AUTS2: variants seen among roughly 807,000 people sequenced by gnomAD.
AUTS2 encodes activator of transcription and developmental regulator AUTS2, also known as autism susceptibility gene 2 protein.
AUTS2 carries 17 observed loss-of-function variants against 112.4 expected under a neutral mutation model. That is an observed-to-expected ratio of 0.15 (90% confidence interval 0.10 to 0.23). The LOEUF (loss-of-function observed/expected upper bound fraction) is 0.23, where lower values mean the gene tolerates loss of function less well. Ranked by LOEUF, AUTS2 falls within the 10% of genes least tolerant of loss-of-function variation. The pLI, the probability that AUTS2 is intolerant of heterozygous loss-of-function variation, is 1.00. For synonymous variants in AUTS2, 751 were observed against 702.7 expected (o/e 1.07, Z -1.09); for missense variants, 1,510 against 1,701.6 (o/e 0.89, Z 1.98).
intron 4 of AUTS2, among the ~76,000 whole-genome samples, chr7:70,370,534 A>G (rs866588769): frequency 8.5e-5 from 13 of 152,312 alleles, no homozygotes; most frequent in South Asian, 6.2e-4. Flanking sequence ...ACATTGCCTC[A>G]TAATATTACA....
At chr7:70,070,297 T>C (rs1192260652) in intron 2 of AUTS2, among the ~76,000 whole-genome samples, 1 of 151,802 alleles carries the variant, frequency 6.6e-6, no homozygotes, top group Non-Finnish European at 1.5e-5. Flanking sequence ...TTTCAATGGA[T>C]GCTGGGCGCA....
rs1794281257 is a variant in AUTS2 at position 70,400,517 on chromosome 7, C to T, written c.661-35235C>T. ...GGTTAGGTGGCAAGGAAGGAGAAAG[C>T]ATACATGGGAAGATGTGAGCAGTCA... is the stretch of plus-strand genomic sequence containing the variant. On this transcript the variant is annotated intron_variant, in intron 4 of 18. Coordinates refer to ENST00000342771, the MANE Select transcript of AUTS2 (RefSeq NM_015570.4). 2.0e-5 allele frequency among the ~76,000 whole-genome samples: 3 copies of T among 152,246 alleles called. No homozygotes were observed. In the South Asian group the frequency reaches 6.2e-4, roughly 32 times the overall value.
At chr7:69,808,578 C>T (rs1562897398) in intron 1 of AUTS2, among the ~76,000 whole-genome samples, 1 of 152,148 alleles carries the variant, frequency 6.6e-6, no homozygotes, top group Non-Finnish European at 1.5e-5. Flanking sequence ...ATATAGTACA[C>T]TCTGCTCAGA....
intron 2 of AUTS2, among the ~76,000 whole-genome samples, chr7:70,090,960 A>G (rs1294639306): frequency 6.6e-6 from 1 of 152,178 alleles, no homozygotes; most frequent in Non-Finnish European, 1.5e-5. Flanking sequence ...GATTACAGGC[A>G]TGAACTGCCA....
chr7:70,164,382 A>G (rs1417760259), intron 4 of AUTS2, among the ~76,000 whole-genome samples: 2 of 152,124 alleles, frequency 1.3e-5, no homozygotes, highest in African/African-American at 2.4e-5. Flanking sequence ...ATCCTATCTA[A>G]AGTAGGATAC....
chr7:70,644,016 T>C (rs1486894856), intron 5 of AUTS2, among the ~76,000 whole-genome samples: 1 of 152,200 alleles, frequency 6.6e-6, no homozygotes, highest in Non-Finnish European at 1.5e-5. Flanking sequence ...TTTGCTTTCC[T>C]GACCAGTTCC....
intron 4 of AUTS2, among the ~76,000 whole-genome samples, chr7:70,180,621 T>G (rs529941443): frequency 6.6e-6 from 1 of 152,288 alleles, no homozygotes; most frequent in South Asian, 2.1e-4. Flanking sequence ...TCCCTCCTCA[T>G]CTCTGGTTCT....
intron 1 of AUTS2, among the ~76,000 whole-genome samples, chr7:69,725,518 A>AC (rs1401082251): frequency 6.6e-6 from 1 of 152,176 alleles, no homozygotes; most frequent in Non-Finnish European, 1.5e-5. Flanking sequence ...GAGTATGCAA[A>AC]AAAAGGCAGG....
chr7:69,623,547 T>G (rs1235742338), intron 1 of AUTS2, among the ~76,000 whole-genome samples: 1 of 151,794 alleles, frequency 6.6e-6, no homozygotes, highest in East Asian at 1.9e-4. Context: ...CATTAGGGTT[T>G]TTTGTTTGTT....
At chr7:70,214,591 G>T (rs922586034) in intron 4 of AUTS2, among the ~76,000 whole-genome samples, 1 of 152,098 alleles carries the variant, frequency 6.6e-6, no homozygotes, top group African/African-American at 2.4e-5. Flanking sequence ...ATTACTGAAT[G>T]TGCACCCTGT....
intron 2 of AUTS2, among the ~76,000 whole-genome samples, chr7:70,012,693 A>G (rs1799859628): frequency 6.6e-6 from 1 of 152,186 alleles, no homozygotes; most frequent in African/African-American, 2.4e-5. Context: ...CAGAAGGCTC[A>G]GGTGAAGCTT....
intron 1 of AUTS2, among the ~76,000 whole-genome samples, chr7:69,876,504 A>G (rs1380560238): frequency 0.12 from 1,544 of 12,512 alleles, 170 homozygotes; most frequent in African/African-American, 0.28. Context: ...ATATATATAT[A>G]TATATATATA....
intron 1 of AUTS2, among the ~76,000 whole-genome samples, chr7:69,852,044 T>C (rs1792507577): frequency 6.6e-6 from 1 of 152,198 alleles, no homozygotes. Flanking sequence ...GACATGCTTG[T>C]CTTGTTCCAA....
intron 1 of AUTS2, among the ~76,000 whole-genome samples, chr7:69,628,926 AAAG>A (rs1794092002): frequency 6.6e-6 from 1 of 152,206 alleles, no homozygotes. Context: ...CTGAAATCAA[AAAG>A]AAGTGTTGAC....
At chr7:69,751,504 T>C (rs554602572) in intron 1 of AUTS2, among the ~76,000 whole-genome samples, 20 of 152,310 alleles carry the variant, frequency 1.3e-4, no homozygotes, top group African/African-American at 4.6e-4. Context: ...CCGTGTACTA[T>C]TCCATATGAT....
intron 1 of AUTS2, among the ~76,000 whole-genome samples, chr7:69,715,915 A>T (rs1379853158): frequency 2.0e-5 from 3 of 152,198 alleles, no homozygotes; most frequent in African/African-American, 7.2e-5. Flanking sequence ...CAGAGGTGCC[A>T]GAGATCTTTT....
chr7:70,181,876 C>T lies in AUTS2; in HGVS notation c.660+47305C>T, dbSNP rs577052730. On this transcript the variant is annotated intron_variant, in intron 4 of 18. Transcript: ENST00000342771. ...GCAGTGGAATGATCTTGGCTCACTG[C>T]AAGCTCCACCTCCCAGGTTCACGCC... Among the ~76,000 whole-genome samples the T allele has an allele frequency of 4.8e-5, 7 of 144,676 alleles. No homozygotes were observed. The East Asian group carries it at 1.5e-3, about 30-fold the overall frequency. 94.9% of individuals were successfully genotyped at this position (144,676 alleles called of 152,430 possible).
chr7:70,250,762 A>G (rs543177363), intron 4 of AUTS2, among the ~76,000 whole-genome samples: 118 of 152,218 alleles, frequency 7.8e-4, no homozygotes, highest in African/African-American at 2.7e-3. Flanking sequence ...CCAACACAGG[A>G]ACAGAAAACC....
chr7:69,808,266 C>T (rs1036023085), intron 1 of AUTS2, among the ~76,000 whole-genome samples: 1 of 152,144 alleles, frequency 6.6e-6, no homozygotes, highest in Non-Finnish European at 1.5e-5. Context: ...AAATTGTGGA[C>T]GTATTTTAAC....
Sources: allele counts gnomAD v4.1 joint callset (sites outside exome capture counted in the v4.1 genomes callset), GRCh38; gene constraint gnomAD v4.1.1; transcripts MANE v1.5; gene names NCBI Gene and HGNC (gene_info 2026-07-23, HGNC 2026-07-21).